The following FHIT variants were observed in gnomAD, a reference collection of about 807,000 sequenced individuals.
FHIT encodes the protein fragile histidine triad diadenosine triphosphatase, also known as bis(5'-adenosyl)-triphosphatase.
Under a neutral mutation model 17.9 loss-of-function variants are expected in FHIT, and 19 were observed. The ratio of observed to expected loss-of-function variants is 1.06; its 90% CI spans 0.74 to 1.56. FHIT has a LOEUF of 1.56. Among genes scored for constraint, FHIT ranks in the 40% most tolerant of loss-of-function variants. The pLI, the probability that FHIT is intolerant of heterozygous loss-of-function variation, is 0.00. For synonymous variants in FHIT, 81 were observed against 69.7 expected, an observed-to-expected ratio of 1.16 and a Z score of -0.81; for missense variants, 248 against 189.2, an observed-to-expected ratio of 1.31 and a Z score of -1.82.
At chr3:60,194,031 C>T (rs751934686) in intron 5 of FHIT, among the ~76,000 whole-genome samples, 2 of 152,126 alleles carry the variant, frequency 1.3e-5, no homozygotes, top group Non-Finnish European at 2.9e-5. Context: ...AAGCAATCTA[C>T]AGAGTCAATG....
At chr3:61,152,383 T>G (rs2037419559) in intron 2 of FHIT, among the ~76,000 whole-genome samples, 1 of 152,252 alleles carries the variant, frequency 6.6e-6, no homozygotes, top group African/African-American at 2.4e-5. Context: ...TTTTTAATTT[T>G]AATAGATTCA....
intron 3 of FHIT, among the ~76,000 whole-genome samples, chr3:61,004,539 G>A (rs1232893214): frequency 6.6e-6 from 1 of 152,226 alleles, no homozygotes; most frequent in Non-Finnish European, 1.5e-5. Context: ...AGGGGAAGGA[G>A]CACTGACCAG....
intron 5 of FHIT, among the ~76,000 whole-genome samples, chr3:60,381,441 G>A (rs1399105482): frequency 6.6e-6 from 1 of 151,172 alleles, no homozygotes; most frequent in Non-Finnish European, 1.5e-5. Flanking sequence ...CCGTGCCATT[G>A]CACTCCAGCC....
chr3:59,994,158 C>T (rs980647114), intron 7 of FHIT, among the ~76,000 whole-genome samples: 4 of 152,052 alleles, frequency 2.6e-5, no homozygotes, highest in Non-Finnish European at 5.9e-5. Flanking sequence ...GGTTACAAAG[C>T]ATTACTCCCA....
chr3:59,948,533 AAAAAAATAAATAAAT>A (rs1209778196), intron 7 of FHIT, among the ~76,000 whole-genome samples: 2 of 151,530 alleles, frequency 1.3e-5, no homozygotes, highest in Non-Finnish European at 2.9e-5. Flanking sequence ...ATAAAAATAA[AAAAAAATAAATAAAT>A]AAAAAATAAA....
intron 7 of FHIT, among the ~76,000 whole-genome samples, chr3:60,006,156 C>T (rs1283678114): frequency 1.3e-5 from 2 of 152,114 alleles, no homozygotes; most frequent in Admixed American, 1.3e-4. Flanking sequence ...TGTGCATACA[C>T]CAGAGGCTAA....
chr3:59,857,527 C>T (rs1702208213), intron 8 of FHIT, among the ~76,000 whole-genome samples: 1 of 91,680 alleles, frequency 1.1e-5, no homozygotes, highest in African/African-American at 8.5e-5. Context: ...TTTCATAGGA[C>T]AAGATTATAC....
chr3:60,534,019 A>G (rs1377074185), intron 5 of FHIT, among the ~76,000 whole-genome samples: 2 of 152,172 alleles, frequency 1.3e-5, no homozygotes, highest in African/African-American at 2.4e-5. Context: ...CCCACTCCAG[A>G]CATCTCACCA....
chr3:59,825,631 C>G (rs752150576), intron 8 of FHIT, among the ~76,000 whole-genome samples: 3 of 152,202 alleles, frequency 2.0e-5, no homozygotes, highest in Non-Finnish European at 4.4e-5. Context: ...AAGGCACAGA[C>G]AGTTTAAGAT....
At chr3:61,251,115 A>T (rs561262496) in intron 1 of FHIT, among the ~76,000 whole-genome samples, 186 bp downstream of exon 1, 2 of 151,922 alleles carry the variant, frequency 1.3e-5, no homozygotes, top group East Asian at 3.9e-4. Context: ...GGTGCTTGGG[A>T]ATTGGGGGGC....
chr3:60,703,032 G>A (rs1553702616), intron 4 of FHIT, among the ~76,000 whole-genome samples: 4 of 152,114 alleles, frequency 2.6e-5, no homozygotes. Context: ...CTGGGTCTTT[G>A]CAGATGTAAT....
intron 2 of FHIT, among the ~76,000 whole-genome samples, chr3:61,056,653 C>T (rs1443457819): frequency 1.3e-5 from 2 of 152,122 alleles, no homozygotes; most frequent in South Asian, 2.1e-4. Flanking sequence ...CAACAGAGAA[C>T]AGCAATCCTC....
chr3:60,731,533 C>T (rs2042029462), intron 4 of FHIT, among the ~76,000 whole-genome samples: 1 of 152,162 alleles, frequency 6.6e-6, no homozygotes, highest in Admixed American at 6.5e-5. Flanking sequence ...GGGCTGTTCA[C>T]GTGCTGGGTG....
At chr3:60,668,602 C>T (rs901960703) in intron 4 of FHIT, among the ~76,000 whole-genome samples, 8 of 142,746 alleles carry the variant, frequency 5.6e-5, no homozygotes, top group African/African-American at 1.3e-4. Flanking sequence ...CGCTCTGTCG[C>T]CCAGGCTGGA....
intron 2 of FHIT, among the ~76,000 whole-genome samples, chr3:61,148,349 C>T (rs1259547359): frequency 3.3e-5 from 5 of 152,022 alleles, no homozygotes; most frequent in African/African-American, 9.7e-5. Flanking sequence ...AGAAAATTAC[C>T]TCCTGATCCT....
intron 5 of FHIT, among the ~76,000 whole-genome samples, chr3:60,341,667 C>G (rs1710522436): frequency 6.6e-6 from 1 of 151,918 alleles, no homozygotes; most frequent in Admixed American, 6.6e-5. Flanking sequence ...TCTATGTAGT[C>G]TCTCTGCTTT....
intron 5 of FHIT, among the ~76,000 whole-genome samples, chr3:60,223,333 C>A (rs1704047674): frequency 6.6e-6 from 1 of 152,156 alleles, no homozygotes; most frequent in Non-Finnish European, 1.5e-5. Flanking sequence ...ACATAGCTAG[C>A]AAAAGGCAGA....
At chr3:60,983,518 G>A (rs1243841146) in intron 3 of FHIT, among the ~76,000 whole-genome samples, 3 of 152,122 alleles carry the variant, frequency 2.0e-5, no homozygotes, top group Non-Finnish European at 4.4e-5. Flanking sequence ...AGGCCTCAGT[G>A]GCAACATGGG....
chr3:61,076,723 A>G (rs1266492370), intron 2 of FHIT, among the ~76,000 whole-genome samples: 1 of 152,180 alleles, frequency 6.6e-6, no homozygotes, highest in Non-Finnish European at 1.5e-5. Context: ...CAGTGGGATC[A>G]GAGAGGTTAA....
Sources: allele counts gnomAD v4.1 joint callset (sites outside exome capture counted in the v4.1 genomes callset), GRCh38; gene constraint gnomAD v4.1.1; transcripts MANE v1.5; gene names NCBI Gene and HGNC (gene_info 2026-07-23, HGNC 2026-07-21).